The following SRPK2 variants were observed in gnomAD, a reference collection of about 807,000 sequenced individuals.
SRPK2 encodes SFRS protein kinase 2.
A neutral mutation model predicts 90.8 loss-of-function variants in SRPK2; 21 were observed. The observed-to-expected ratio is 0.23, with a 90% CI of 0.16 to 0.33. SRPK2 has a LOEUF of 0.33. SRPK2 is among the 10% of genes least tolerant of loss of function. SRPK2 has a pLI of 1.00. For missense variants in SRPK2, 620 were observed against 869.0 expected (o/e 0.71, Z 3.60); for synonymous variants, 288 against 311.1 (o/e 0.93, Z 0.78).
At chr7:105,247,709 C>A (rs1473562946) in intron 2 of SRPK2, among the ~76,000 whole-genome samples, 1 of 101,736 alleles carries the variant, frequency 9.8e-6, no homozygotes, top group African/African-American at 4.5e-5. Context: ...GTATTAACCA[C>A]CTATTTTTTT....
intron 15 of SRPK2, among the ~76,000 whole-genome samples, chr7:105,126,039 G>A (rs1801152852): frequency 6.6e-6 from 1 of 152,206 alleles, no homozygotes. Flanking sequence ...CAGAGCTGGA[G>A]GGCACAGGAG....
intron 2 of SRPK2, among the ~76,000 whole-genome samples, chr7:105,288,714 G>C (rs940661521): frequency 6.6e-6 from 1 of 152,146 alleles, no homozygotes; most frequent in African/African-American, 2.4e-5. Context: ...ACTGCTGTTA[G>C]AAACAGAGAA....
At chr7:105,270,004 A>T (rs201875101) in intron 2 of SRPK2, among the ~76,000 whole-genome samples, 15 of 152,326 alleles carry the variant, frequency 9.8e-5, no homozygotes, top group Middle Eastern at 3.4e-3. Flanking sequence ...AATTTTTTTT[A>T]AAATGTTGAC....
At chr7:105,297,219 T>A (rs556049504) in intron 2 of SRPK2, among the ~76,000 whole-genome samples, 2 of 152,318 alleles carry the variant, frequency 1.3e-5, no homozygotes, top group East Asian at 3.8e-4. Context: ...ACTTTTGGAA[T>A]ATAAAGTAAA....
At chr7:105,284,535 T>A (rs1807801155) in intron 2 of SRPK2, among the ~76,000 whole-genome samples, 1 of 152,148 alleles carries the variant, frequency 6.6e-6, no homozygotes, top group Admixed American at 6.6e-5. Flanking sequence ...GTGATTGAGA[T>A]TTAAAAGCAA....
intron 3 of SRPK2, among the ~76,000 whole-genome samples, chr7:105,200,525 A>C (rs1035796886): frequency 6.6e-6 from 1 of 152,118 alleles, no homozygotes; most frequent in Non-Finnish European, 1.5e-5. Flanking sequence ...GGGTAGGGAT[A>C]AATATTTGAA....
intron 7 of SRPK2, among the ~76,000 whole-genome samples, chr7:105,147,139 G>C (rs1410680636): frequency 6.6e-6 from 1 of 151,940 alleles, no homozygotes; most frequent in Non-Finnish European, 1.5e-5. Context: ...AGCTTACTTT[G>C]TTGTAAAAAT....
intron 2 of SRPK2, among the ~76,000 whole-genome samples, chr7:105,272,260 G>A (rs1308279599): frequency 6.6e-6 from 1 of 152,096 alleles, no homozygotes; most frequent in Non-Finnish European, 1.5e-5. Flanking sequence ...TATTCCCTAT[G>A]GATGTAATCT....
At chr7:105,256,025 GTT>G (rs1803246061) in intron 2 of SRPK2, among the ~76,000 whole-genome samples, 1 of 152,010 alleles carries the variant, frequency 6.6e-6, no homozygotes, top group Non-Finnish European at 1.5e-5. Context: ...ATTTTGTACT[GTT>G]ATTTTAGTAT....
At chr7:105,311,692 A>C (rs1048615990) in intron 2 of SRPK2, among the ~76,000 whole-genome samples, 1 of 152,230 alleles carries the variant, frequency 6.6e-6, no homozygotes, top group African/African-American at 2.4e-5. Context: ...ACAGACAATA[A>C]GTGTAGGCAA....
chr7:105,288,463 G>C (rs1273834065), intron 2 of SRPK2, among the ~76,000 whole-genome samples: 3 of 151,718 alleles, frequency 2.0e-5, no homozygotes, highest in Non-Finnish European at 4.4e-5. Context: ...GCGTGGTGGC[G>C]GGCACCTGTA....
At chr7:105,193,970 T>A (rs10277120) in intron 3 of SRPK2, among the ~76,000 whole-genome samples, 45,741 of 152,110 alleles carry the variant, frequency 0.3, 7,174 homozygotes, top group Non-Finnish European at 0.34. Flanking sequence ...AAAATCTCAC[T>A]CTTGAAGTTC....
intron 2 of SRPK2, among the ~76,000 whole-genome samples, chr7:105,281,193 T>G (rs1807284623): frequency 6.6e-6 from 1 of 151,608 alleles, no homozygotes; most frequent in Non-Finnish European, 1.5e-5. Flanking sequence ...ACCTCCCAGG[T>G]TCAAGTGATT....
intron 2 of SRPK2, among the ~76,000 whole-genome samples, chr7:105,316,706 T>C (rs557640499): frequency 2.0e-5 from 3 of 152,278 alleles, no homozygotes; most frequent in Middle Eastern, 3.4e-3. Context: ...GATACAAGGA[T>C]AGGACAAAGT....
At chr7:105,316,069 GC>G (rs933632451) in intron 2 of SRPK2, among the ~76,000 whole-genome samples, 51 of 146,158 alleles carry the variant, frequency 3.5e-4, no homozygotes, top group African/African-American at 1.3e-3. Flanking sequence ...TTGTCACCCA[GC>G]CTGGAGTGCA....
intron 2 of SRPK2, among the ~76,000 whole-genome samples, chr7:105,330,820 A>T (rs868693660): frequency 5.4e-5 from 8 of 148,960 alleles, no homozygotes; most frequent in Non-Finnish European, 9.0e-5. Flanking sequence ...GTCTCTATTT[A>T]AAAAAAAAAG....
intron 2 of SRPK2, among the ~76,000 whole-genome samples, chr7:105,329,341 A>G (rs1373843471): frequency 6.6e-6 from 1 of 152,192 alleles, no homozygotes; most frequent in Non-Finnish European, 1.5e-5. Flanking sequence ...AAGAGTGGGT[A>G]TTAAAAGAAG....
Position 105,123,203 on chromosome 7 carries a change from C to T in SRPK2, c.1915+3045G>A, listed in dbSNP as rs1022769033. The stretch of plus-strand genomic sequence containing the variant: ...CTTAAGAGGGTGAGAGCTGTAATTA[C>T]ATTCCCTGACCAAAAATACAGCTCA... On this transcript the variant is annotated intron_variant, in intron 15 of 15. Transcript: ENST00000393651. 2.9e-4 allele frequency among the ~76,000 whole-genome samples: 44 copies of T among 152,306 alleles called. 1 individual carries two copies. Among genetic ancestry groups the T allele is most frequent in the Admixed American group, 2.5e-3 (39 of 15,300 alleles).
Position 105,146,566 on chromosome 7 carries a change from T to C in SRPK2, c.714A>G (p.Ala238=), listed in dbSNP as rs1423685326. The change falls in exon 8 of 16, where the codon GCA becomes GCG. Residue 238 remains alanine (A), a synonymous_variant. Coordinates refer to ENST00000393651, the MANE Select transcript of SRPK2 (RefSeq NM_182692.3). The stretch of plus-strand genomic sequence containing the variant: ...CCTCAGCTGCCATTCTTCTCACATA[T>C]GCATCATCCACACACATCAAGATAT... ...PENILMCVDD[A]YVRRMAAEAT... The C allele has an allele frequency of 1.2e-6, 2 of 1,614,098 alleles. No homozygotes were observed. The highest frequency in any genetic ancestry group is 1.7e-6 in the Non-Finnish European group (2 of 1,180,050).
Sources: allele counts gnomAD v4.1 joint callset (sites outside exome capture counted in the v4.1 genomes callset), GRCh38; gene constraint gnomAD v4.1.1; transcripts MANE v1.5; gene names NCBI Gene and HGNC (gene_info 2026-07-23, HGNC 2026-07-21).